The following TAFA1 variants were observed in gnomAD, a reference collection of about 807,000 sequenced individuals.
The protein encoded by TAFA1 is TAFA chemokine like family member 1.
Under a neutral mutation model 18.5 loss-of-function variants are expected in TAFA1, and 4 were observed. The ratio of observed to expected loss-of-function variants is 0.22; its 90% CI spans 0.11 to 0.49. TAFA1 has a LOEUF of 0.49. TAFA1 is among the 20% of genes least tolerant of loss of function. The pLI, the probability that TAFA1 is intolerant of heterozygous loss-of-function variation, is 0.98. For missense variants in TAFA1, 147 were observed against 169.0 expected, an observed-to-expected ratio of 0.87 and a Z score of 0.72; for synonymous variants, 56 against 55.2, an observed-to-expected ratio of 1.01 and a Z score of -0.06.
chr3:68,532,321 A>G (rs940564660), intron 3 of TAFA1, among the ~76,000 whole-genome samples: 7 of 152,340 alleles, frequency 4.6e-5, no homozygotes, highest in African/African-American at 1.7e-4. Flanking sequence ...TCTTATGCAG[A>G]TAAAAGCCCC....
intron 2 of TAFA1, among the ~76,000 whole-genome samples, chr3:68,165,150 G>C (rs746991328): frequency 6.6e-6 from 1 of 152,140 alleles, no homozygotes; most frequent in Non-Finnish European, 1.5e-5. Flanking sequence ...GAGAACTATC[G>C]ACTGCTGGAA....
intron 2 of TAFA1, among the ~76,000 whole-genome samples, chr3:68,348,079 C>A (rs75115905): frequency 6.6e-6 from 1 of 152,090 alleles, no homozygotes; most frequent in Non-Finnish European, 1.5e-5. Flanking sequence ...AAAGCAGACA[C>A]TCCTCAAGGG....
chr3:68,450,447 G>A (rs933817038), intron 3 of TAFA1, among the ~76,000 whole-genome samples: 1 of 152,210 alleles, frequency 6.6e-6, no homozygotes, highest in Non-Finnish European at 1.5e-5. Context: ...GCCTCAGTCT[G>A]TTGGTAAGTG....
chr3:68,283,522 G>A (rs1200455471), intron 2 of TAFA1, among the ~76,000 whole-genome samples: 3 of 152,158 alleles, frequency 2.0e-5, no homozygotes, highest in Non-Finnish European at 4.4e-5. Flanking sequence ...ATTCCTGGGT[G>A]CATCCTGGCC....
In TAFA1 at chr3:68,073,642, A is replaced by T. The variant is rs139239809; in HGVS notation, c.118+66898A>T. On this transcript the variant is annotated intron_variant, in intron 2 of 4. Transcript: ENST00000478136. The stretch of plus-strand genomic sequence containing the variant: ...ATTAAACTGTTTCCATATTTAAAAG[A>T]TAAGTATTGCATCTCTATACACAAT... 1.5e-3 allele frequency among the ~76,000 whole-genome samples: 225 copies of T among 152,334 alleles called. 2 individuals are homozygous for T. The highest frequency in any genetic ancestry group is 3.5e-3 in the Admixed American group (53 of 15,304).
At chr3:68,043,387 G>T in intron 2 of TAFA1, among the ~76,000 whole-genome samples, 1 of 152,090 alleles carries the variant, frequency 6.6e-6, no homozygotes, top group East Asian at 1.9e-4. Flanking sequence ...AGCCACCTAG[G>T]TCCCCTGAGC....
chr3:68,031,498 G>T (rs1341950434), intron 2 of TAFA1, among the ~76,000 whole-genome samples: 1 of 152,152 alleles, frequency 6.6e-6, no homozygotes, highest in African/African-American at 2.4e-5. Flanking sequence ...GCTGAGTAAA[G>T]GTGTGAGGAC....
intron 2 of TAFA1, among the ~76,000 whole-genome samples, chr3:68,153,261 C>A (rs1468077814): frequency 6.6e-6 from 1 of 152,160 alleles, no homozygotes; most frequent in Non-Finnish European, 1.5e-5. Context: ...AAACTATTCA[C>A]ATCAGACCCA....
rs567033167 is a variant in TAFA1 at position 68,367,165 on chromosome 3, T to C, written c.119-50115T>C. 3.3e-5 allele frequency among the ~76,000 whole-genome samples: 5 copies of C among 152,344 alleles called. No homozygotes were observed. The South Asian group carries it at 1.0e-3, about 32-fold the overall frequency. ...CTAGCACATAAATGATGAGGTTGCC[T>C]ATTTTTAAGACCCACCTGAAGCTTT... On this transcript the variant is annotated intron_variant, in intron 2 of 4. Coordinates refer to ENST00000478136, the MANE Select transcript of TAFA1 (RefSeq NM_213609.4).
chr3:68,429,434 A>G (rs933579471), intron 3 of TAFA1, among the ~76,000 whole-genome samples: 1 of 151,910 alleles, frequency 6.6e-6, no homozygotes, highest in Admixed American at 6.6e-5. Context: ...CTTCCAGGAC[A>G]TGGTAGGGAT....
chr3:68,201,421 A>G (rs539787854), intron 2 of TAFA1, among the ~76,000 whole-genome samples: 1 of 151,788 alleles, frequency 6.6e-6, no homozygotes, highest in East Asian at 2.0e-4. Flanking sequence ...GGTGAATTCA[A>G]CTATGTCCTT....
chr3:68,192,314 G>A (rs2066351309), intron 2 of TAFA1: 3 of 152,202 alleles, frequency 2.0e-5, no homozygotes, highest in South Asian at 4.1e-4. Context: ...TTGGCAAAAG[G>A]TTGAAGACTA....
At chr3:68,203,803 T>C (rs2066494498) in intron 2 of TAFA1, among the ~76,000 whole-genome samples, 1 of 151,734 alleles carries the variant, frequency 6.6e-6, no homozygotes, top group African/African-American at 2.4e-5. Context: ...CCTAATGGTA[T>C]ACTTGGTTAA....
intron 2 of TAFA1, among the ~76,000 whole-genome samples, chr3:68,008,734 T>G (rs576280723): frequency 6.0e-4 from 91 of 152,202 alleles, no homozygotes; most frequent in Admixed American, 2.3e-3. Context: ...ATGTCAATAC[T>G]TGGTCCAATC....
At chr3:67,991,566 A>G in the TAFA1 span, among the ~76,000 whole-genome samples, 1 of 152,212 alleles carries the variant, frequency 6.6e-6, no homozygotes, top group Admixed American at 6.5e-5. Flanking sequence ...TCCTAGAGCT[A>G]GGACATTCTT....
intron 3 of TAFA1, among the ~76,000 whole-genome samples, chr3:68,499,005 T>A (rs2072606007): frequency 6.6e-6 from 1 of 152,096 alleles, no homozygotes; most frequent in Non-Finnish European, 1.5e-5. Context: ...CTCCTACTTT[T>A]GCAACAGTCT....
At chr3:68,048,525 A>T (rs993931668) in intron 2 of TAFA1, among the ~76,000 whole-genome samples, 1 of 152,072 alleles carries the variant, frequency 6.6e-6, no homozygotes, top group Non-Finnish European at 1.5e-5. Context: ...ATTCTGTTGT[A>T]CTATCAAACA....
At chr3:68,009,483 CCCCAAG>C (rs1346705375) in intron 2 of TAFA1, among the ~76,000 whole-genome samples, 1 of 152,116 alleles carries the variant, frequency 6.6e-6, no homozygotes, top group Non-Finnish European at 1.5e-5. Flanking sequence ...GCGTCAAATA[CCCCAAG>C]AAACTGCAGC....
chr3:68,157,348 G>T (rs1419009797), intron 2 of TAFA1, among the ~76,000 whole-genome samples: 1 of 152,074 alleles, frequency 6.6e-6, no homozygotes, highest in Non-Finnish European at 1.5e-5. Flanking sequence ...AAAAATAATT[G>T]CAATGAAGAT....
Sources: allele counts gnomAD v4.1 joint callset (sites outside exome capture counted in the v4.1 genomes callset), GRCh38; gene constraint gnomAD v4.1.1; transcripts MANE v1.5; gene names NCBI Gene and HGNC (gene_info 2026-07-23, HGNC 2026-07-21).